Variants in TICRR observed in about 807,000 individuals in gnomAD.
The protein encoded by TICRR is TOPBP1 interacting checkpoint and replication regulator.
Under a neutral mutation model 178.1 loss-of-function variants are expected in TICRR, and 132 were observed. The observed-to-expected ratio is 0.74, with a 90% CI of 0.64 to 0.86. TICRR has a LOEUF of 0.86. TICRR is among the 40% of genes least tolerant of loss of function. The probability of loss-of-function intolerance (pLI) is 0.00; values close to 1 mark genes in which losing one functional copy is unlikely to be tolerated. For synonymous variants in TICRR, 991 were observed against 900.7 expected, an observed-to-expected ratio of 1.10 and a Z score of -1.79; for missense variants, 2,587 against 2,334.3, an observed-to-expected ratio of 1.11 and a Z score of -2.23.
intron 3 of TICRR, among the ~76,000 whole-genome samples, 157 bp downstream of exon 3, chr15:89,584,684 G>A (rs952030218): frequency 6.6e-6 from 1 of 152,192 alleles, no homozygotes; most frequent in Non-Finnish European, 1.5e-5. Context: ...TGACAGCAAT[G>A]CTTATTAGAG....
At chr15:89,602,107 A>G in intron 12 of TICRR, 131 bp downstream of exon 12, 2 of 1,084,548 alleles carry the variant, frequency 1.8e-6, no homozygotes, top group Non-Finnish European at 2.6e-6. Context: ...TGTCTGAATC[A>G]GAGAAGCCAA....
In TICRR at chr15:89,619,422, C is replaced by T. The variant is rs571331402; in HGVS notation, c.3020-286C>T. 1.2e-3 allele frequency among the ~76,000 whole-genome samples: 184 copies of T among 152,108 alleles called. 1 individual carries two copies. The highest frequency in any genetic ancestry group is 4.4e-3 in the African/African-American group (181 of 41,500). On this transcript the variant is annotated intron_variant, in intron 17 of 21. Coordinates refer to ENST00000268138, the MANE Select transcript of TICRR (RefSeq NM_152259.4). ...TGTATTTTTAGTAGAGACAGGGTTT[C>T]ACCTTGTTGGTCAGGCTGGCTACAC...
chr15:89,601,290 C>G lies in TICRR; in HGVS notation c.2154-8C>G. On this transcript the variant is annotated splice_polypyrimidine_tract_variant and splice_region_variant and intron_variant, in intron 9 of 21. Coordinates refer to ENST00000268138, the MANE Select transcript of TICRR (RefSeq NM_152259.4). ...AGTAGATATGACCAAGTATTTTTTT[C>G]TCTCAAGGTGCCAGCTTCAGGTATT... 1 of 1,610,202 alleles carries G rather than the reference C, an allele frequency of 6.2e-7. No individual in the cohort carries two copies. Among genetic ancestry groups the G allele is most frequent in the Non-Finnish European group, 8.5e-7 (1 of 1,178,598 alleles).
chr15:89,613,521 C>T (rs1963285018), intron 15 of TICRR, among the ~76,000 whole-genome samples: 1 of 152,040 alleles, frequency 6.6e-6, no homozygotes, highest in African/African-American at 2.4e-5. Context: ...CCTTTCTGTC[C>T]TTTCCTTCTG....
At chr15:89,626,844 G>A in intron 21 of TICRR, 112 bp from the exon 22 acceptor site, 1 of 1,214,116 alleles carries the variant, frequency 8.2e-7, no homozygotes. Context: ...TCCAAGCAGT[G>A]CTGATTTTCT....
At chr15:89,620,376 T>G (rs1238149830) in intron 18 of TICRR, among the ~76,000 whole-genome samples, 1 of 151,326 alleles carries the variant, frequency 6.6e-6, no homozygotes, top group Non-Finnish European at 1.5e-5. Context: ...GCCCAGCTGA[T>G]TTTTTGTTTT....
chr15:89,616,334 C>T, intron 15 of TICRR, 71 bp from the exon 16 acceptor site: 1 of 1,323,302 alleles, frequency 7.6e-7, no homozygotes, highest in Non-Finnish European at 1.1e-6. Context: ...TCAAACTGCT[C>T]CCTTGGCCTT....
chr15:89,587,995 G>A (rs1962849984), intron 4 of TICRR, among the ~76,000 whole-genome samples: 1 of 152,152 alleles, frequency 6.6e-6, no homozygotes, highest in Non-Finnish European at 1.5e-5. Flanking sequence ...AGGGCTTTGA[G>A]GAAGTGCAAG....
At chr15:89,591,262 T>TACAG (rs1199417306) in intron 4 of TICRR, among the ~76,000 whole-genome samples, 1 of 152,134 alleles carries the variant, frequency 6.6e-6, no homozygotes, top group Non-Finnish European at 1.5e-5. Flanking sequence ...TAGCTAGGAA[T>TACAG]ACAGGCACCT....
chr15:89,586,487 G>A (rs1041588055), intron 4 of TICRR, among the ~76,000 whole-genome samples: 3 of 152,178 alleles, frequency 2.0e-5, no homozygotes, highest in African/African-American at 7.2e-5. Flanking sequence ...AATGGACAAA[G>A]ATGTCTTCCC....
intron 2 of TICRR, 112 bp from the exon 3 acceptor site, chr15:89,584,174 A>G: frequency 9.0e-7 from 1 of 1,110,478 alleles, no homozygotes. Flanking sequence ...CAACTTGATT[A>G]TTTTCTTATT....
At chr15:89,578,982 C>T (rs1396892418) in intron 1 of TICRR, among the ~76,000 whole-genome samples, 4 of 152,056 alleles carry the variant, frequency 2.6e-5, no homozygotes, top group Admixed American at 6.5e-5. Flanking sequence ...CCTTGGGGAG[C>T]GTGCAGTCTG....
chr15:89,607,150 G>T (rs1963187400), intron 14 of TICRR, among the ~76,000 whole-genome samples: 1 of 152,126 alleles, frequency 6.6e-6, no homozygotes, highest in African/African-American at 2.4e-5. Flanking sequence ...TGCATTCCAT[G>T]ATCCCTGCTT....
chr15:89,577,138 T>C (rs1962637625), intron 1 of TICRR, among the ~76,000 whole-genome samples: 1 of 151,958 alleles, frequency 6.6e-6, no homozygotes, highest in Non-Finnish European at 1.5e-5. Flanking sequence ...GCAATCCGCC[T>C]GCCTTGGCCT....
At chr15:89,597,439 C>T (rs1043714444) in intron 7 of TICRR, among the ~76,000 whole-genome samples, 4 of 151,434 alleles carry the variant, frequency 2.6e-5, no homozygotes, top group Non-Finnish European at 5.9e-5. Context: ...TCATGAGAAT[C>T]GCTTGATCCC....
At position 89,623,998 on chromosome 15, in the gene TICRR, A is replaced by T; in HGVS notation, c.3688A>T (p.Thr1230Ser). 6.2e-7 allele frequency: 1 copy of T among 1,613,694 alleles called. No homozygotes were observed. Among genetic ancestry groups the T allele is most frequent in the Non-Finnish European group, 8.5e-7 (1 of 1,179,946 alleles). The change falls in exon 20 of 22, where the codon ACT (threonine) becomes TCT (serine). Residue 1230 changes from threonine (T) to serine (S), a missense_variant. Coordinates refer to ENST00000268138, the MANE Select transcript of TICRR (RefSeq NM_152259.4). The stretch of plus-strand genomic sequence containing the variant: ...AAGCCCCTCCTGTCCAGCCCCTCCA[A>T]CTTCATCGACTGCCCAGCCCAGGAG... Reference protein sequence around the residue: ...PESPSCPAPPTSSTAQPRREC... With the variant: ...PESPSCPAPPSSSTAQPRREC...
At chr15:89,580,770 A>G (rs1944323220) in intron 1 of TICRR, among the ~76,000 whole-genome samples, 1 of 152,182 alleles carries the variant, frequency 6.6e-6, no homozygotes, top group African/African-American at 2.4e-5. Context: ...CTAGTGGCTT[A>G]TACCTGTAAC....
Position 89,609,420 on chromosome 15 carries a change from G to T in TICRR, c.2869+471G>T, listed in dbSNP as rs1013361514. Among the ~76,000 whole-genome samples, 9 of 151,696 alleles carry T rather than the reference G, an allele frequency of 5.9e-5. No homozygotes were observed. In the East Asian group the frequency reaches 1.8e-3, roughly 30 times the overall value. ...TGAGCCACCACACCCAGTCAATTTT[G>T]TTAATCTTTTCAAAGAATTTACTTT... On this transcript the variant is annotated intron_variant, in intron 15 of 21. Transcript: ENST00000268138.
intron 19 of TICRR, among the ~76,000 whole-genome samples, chr15:89,621,791 C>T (rs2141981844): frequency 6.6e-6 from 1 of 152,198 alleles, no homozygotes; most frequent in East Asian, 1.9e-4. Context: ...CTCATCTGTT[C>T]TCTTGGCTTT....
Sources: allele counts gnomAD v4.1 joint callset (sites outside exome capture counted in the v4.1 genomes callset), GRCh38; gene constraint gnomAD v4.1.1; transcripts MANE v1.5; gene names NCBI Gene and HGNC (gene_info 2026-07-23, HGNC 2026-07-21).